Variants in ANKRD10 observed in about 807,000 individuals in gnomAD.
ANKRD10 encodes the protein ankyrin repeat domain-containing protein 10.
In ANKRD10, 14 loss-of-function variants were observed where a neutral mutation model predicts 27.0. The ratio of observed to expected loss-of-function variants is 0.52; its 90% confidence interval spans 0.34 to 0.81. The LOEUF is 0.81. Among genes scored for constraint, ANKRD10 ranks in the 40% least tolerant of loss-of-function variants. The pLI, the probability that ANKRD10 is intolerant of heterozygous loss-of-function variation, is 0.01. For synonymous variants in ANKRD10, 250 were observed against 224.5 expected (o/e 1.11, Z -1.01); for missense variants, 493 against 544.0 (o/e 0.91, Z 0.93).
intron 1 of ANKRD10, among the ~76,000 whole-genome samples, chr13:110,914,176 G>A (rs1221823205): frequency 1.3e-5 from 2 of 152,142 alleles, no homozygotes; most frequent in Admixed American, 6.5e-5. Context: ...CTTGCTCCTC[G>A]GCTGAGCTCG....
In ANKRD10 at chr13:110,892,416, C is replaced by CAAAAAAAAAAAA. The variant is rs71127979; in HGVS notation, c.691+600_691+611dup. ...TTGCACTCCAGCCTGGGTGACAGAG[C>CAAAAAAAAAAAA]AAAAAAAAAAAAAAAAAAAATGGTG... is the stretch of plus-strand genomic sequence containing the variant. On this transcript the variant is annotated intron_variant, in intron 4 of 5. Coordinates refer to ENST00000267339, the MANE Select transcript of ANKRD10 (RefSeq NM_017664.4). 1.2e-3 allele frequency among the ~76,000 whole-genome samples: 24 copies of CAAAAAAAAAAAA among 19,550 alleles called. 7 individuals carry two copies. In the East Asian group the frequency reaches 0.012, roughly 10 times the overall value. 12.8% of individuals were successfully genotyped at this position (19,550 alleles called of 152,430 possible).
rs770469386 is a variant in ANKRD10, at chr13:110,879,646, G to T, written c.1254C>A (p.His418Gln). ...SAVLGTMHLHHGS is the reference protein window; with the variant it reads ...SAVLGTMHLHQGS ...AGCCAGGTCAGCGTCTCTAGGAGCC[G>T]TGGTGCAGGTGCATGGTGCCCAGCA... The change falls in exon 6 of 6, where the codon CAC becomes CAA. Residue 418 changes from histidine to glutamine, a missense_variant. Coordinates refer to ENST00000267339, the MANE Select transcript of ANKRD10 (RefSeq NM_017664.4). The T allele has an allele frequency of 1.9e-6, 3 of 1,609,902 alleles. No individual in the cohort carries two copies. The African/African-American group carries it at 4.0e-5, about 22-fold the overall frequency.
At chr13:110,910,820 A>G in intron 1 of ANKRD10, 50 bp from the exon 2 acceptor site, 3 of 1,537,146 alleles carry the variant, frequency 2.0e-6, no homozygotes, top group Non-Finnish European at 2.6e-6. Flanking sequence ...TCAGTACACT[A>G]TTCAATATTA....
In ANKRD10 at chr13:110,878,546, TGA is replaced by T. The variant is rs1228594324; in HGVS notation, c.*1089_*1090del. 4 of 152,208 alleles carry T rather than the reference TGA, an allele frequency of 2.6e-5. No homozygotes were observed. The highest frequency in any genetic ancestry group is 5.9e-5 in the Non-Finnish European group (4 of 68,034). 9.4% of individuals were successfully genotyped at this position (152,208 alleles called of 1,614,324 possible). ...AGAAACCCCAGGGACACACTGAGTG[TGA>T]GAGTTTTTTATTCAATTTGTGAAGG... is the stretch of plus-strand genomic sequence containing the variant. On this transcript the variant is annotated 3_prime_UTR_variant, in exon 6 of 6. Coordinates refer to ENST00000267339, the MANE Select transcript of ANKRD10 (RefSeq NM_017664.4).
rs758829775 is a variant in ANKRD10 at position 110,914,806 on chromosome 13, C to T, written c.129G>A (p.Gln43=). Residue 43 remains glutamine, a synonymous_variant, in exon 1 of 6, where the codon CAG becomes CAA. Transcript: ENST00000267339. The stretch of plus-strand genomic sequence containing the variant: ...AGGCCAGGTGGGCGTGGGGTGTCTG[C>T]TGCAGCAGCGAGCAGAGCGTGGCCA... The part of the protein sequence containing the change: ...GDLATLCSLL[Q]QTPHAHLASE... The T allele has an allele frequency of 6.3e-7, 1 of 1,593,610 alleles. No homozygotes were observed. Among genetic ancestry groups the T allele is most frequent in the Non-Finnish European group, 8.5e-7 (1 of 1,170,786 alleles).
intron 3 of ANKRD10, chr13:110,893,962 C>A: frequency 1.7e-6 from 1 of 581,276 alleles, no homozygotes; most frequent in Non-Finnish European, 3.0e-6. Context: ...CCCTACCACT[C>A]ACAAGAACCA....
intron 3 of ANKRD10, among the ~76,000 whole-genome samples, chr13:110,904,788 G>A (rs1435442201): frequency 2.0e-5 from 3 of 152,196 alleles, no homozygotes; most frequent in Admixed American, 6.5e-5. Context: ...TCCCTGCAAT[G>A]TAACAGTAAA....
chr13:110,900,647 C>T (rs1286631925), intron 3 of ANKRD10: 1 of 1,351,768 alleles, frequency 7.4e-7, no homozygotes, highest in Non-Finnish European at 9.8e-7. Context: ...GGAATGCTCC[C>T]CCTTTCTAGG....
intron 1 of ANKRD10, among the ~76,000 whole-genome samples, chr13:110,914,321 C>G (rs1429057947): frequency 2.6e-5 from 4 of 152,212 alleles, no homozygotes; most frequent in Non-Finnish European, 4.4e-5. Context: ...GGCCTAATAC[C>G]CGGCTCTGCG....
At chr13:110,913,371 ATTACTT>A (rs1325919119) in intron 1 of ANKRD10, among the ~76,000 whole-genome samples, 1 of 152,162 alleles carries the variant, frequency 6.6e-6, no homozygotes, top group East Asian at 1.9e-4. Context: ...AGGAGGCTTT[ATTACTT>A]TTGTTTGTTA....
chr13:110,879,488 T>C lies in ANKRD10; in HGVS notation c.*149A>G. ...TACTCATGCACAAACAAGCAGTTGC[T>C]GGGAACTTGTCGAAGTTTACTTTTT... On this transcript the variant is annotated 3_prime_UTR_variant, in exon 6 of 6. Transcript: ENST00000267339. The C allele has an allele frequency of 1.5e-6, 1 of 648,704 alleles. No homozygotes were observed. Among genetic ancestry groups the C allele is most frequent in the East Asian group, 2.7e-5 (1 of 36,562 alleles). The allele number at this position is 648,704 out of a possible 1,614,324, so 40.2% of individuals were successfully genotyped here.
At chr13:110,883,093 G>A (rs954823118) in intron 5 of ANKRD10, 1 of 152,140 alleles carries the variant, frequency 6.6e-6, no homozygotes, top group Non-Finnish European at 1.5e-5. Context: ...AATGTGTGTT[G>A]TGAAACACAG....
At chr13:110,911,616 C>T (rs985150828) in intron 1 of ANKRD10, 2 of 151,904 alleles carry the variant, frequency 1.3e-5, no homozygotes, top group African/African-American at 2.4e-5. Flanking sequence ...TTCAAAAATA[C>T]AAAATTACAA....
In ANKRD10 at chr13:110,879,557, G is replaced by T; in HGVS notation, c.*80C>A. The T allele has an allele frequency of 2.8e-6, 3 of 1,086,358 alleles. No individual in the cohort carries two copies. The highest frequency in any genetic ancestry group is 4.0e-6 in the Non-Finnish European group (3 of 744,706). 67.3% of individuals were successfully genotyped at this position (1,086,358 alleles called of 1,614,324 possible). A position where few individuals can be genotyped will look rare whatever the true frequency, so the allele number is the denominator to read the frequency against. On this transcript the variant is annotated 3_prime_UTR_variant, in exon 6 of 6. Coordinates refer to ENST00000267339, the MANE Select transcript of ANKRD10 (RefSeq NM_017664.4). ...AAAAAACGTACAAGTTGTGACATTCGTTCAAGTTGCTGCTACATGGGTATT... is the reference window on the plus strand; with the variant it reads ...AAAAAACGTACAAGTTGTGACATTCTTTCAAGTTGCTGCTACATGGGTATT...
intron 3 of ANKRD10, among the ~76,000 whole-genome samples, chr13:110,896,029 C>G (rs1360823796): frequency 6.6e-6 from 1 of 152,188 alleles, no homozygotes; most frequent in Non-Finnish European, 1.5e-5. Context: ...ATGCTATGTA[C>G]TCGTACGTAA....
At position 110,879,146 on chromosome 13, in the gene ANKRD10, T is replaced by A. The variant is rs575634300; in HGVS notation, c.*491A>T. On this transcript the variant is annotated 3_prime_UTR_variant, in exon 6 of 6. Coordinates refer to ENST00000267339, the MANE Select transcript of ANKRD10 (RefSeq NM_017664.4). ...TTGAAAAAGACAAACGTTCTCTTCT[T>A]CACACAAATCACTGCAGAAATCTTT... is the stretch of plus-strand genomic sequence containing the variant. 6.1e-6 allele frequency: 1 copy of A among 163,720 alleles called. No individual in the cohort carries two copies. Among genetic ancestry groups the A allele is most frequent in the South Asian group, 1.6e-4 (1 of 6,320 alleles). 10.1% of individuals were successfully genotyped at this position (163,720 alleles called of 1,614,324 possible). A position where few individuals can be genotyped will look rare whatever the true frequency, so the allele number is the denominator to read the frequency against.
chr13:110,885,259 G>A (rs7332021), intron 4 of ANKRD10, among the ~76,000 whole-genome samples: 50,062 of 148,598 alleles, frequency 0.34, 8,946 homozygotes, highest in South Asian at 0.43. Context: ...AAAAGAGAGA[G>A]AAAAAAAAAA....
At chr13:110,914,042 TA>T (rs1292255434) in intron 1 of ANKRD10, among the ~76,000 whole-genome samples, 2 of 152,206 alleles carry the variant, frequency 1.3e-5, no homozygotes, top group Non-Finnish European at 2.9e-5. Flanking sequence ...AGATCCAAGA[TA>T]AACACAGCCG....
chr13:110,914,645 T>A lies in ANKRD10; in HGVS notation c.210+80A>T, dbSNP rs1295898735. On this transcript the variant is annotated intron_variant, in intron 1 of 5. Transcript: ENST00000267339. ...CCCCGCGATCCCGGCACGCCCCACG[T>A]CCCCCGCACCTCAGACCCGCTTTCC... 2.0e-6 allele frequency: 3 copies of A among 1,465,550 alleles called. No homozygotes were observed. In the African/African-American group the frequency reaches 4.3e-5, roughly 21 times the overall value. The allele number at this position is 1,465,550 out of a possible 1,614,324, so 90.8% of individuals were successfully genotyped here.
Sources: gnomAD v4.1 joint callset for allele counts (sites outside exome capture counted in the v4.1 genomes callset) on GRCh38, gnomAD v4.1.1 for gene constraint, MANE v1.5 for transcripts, NCBI Gene and HGNC (gene_info 2026-07-23, HGNC 2026-07-21) for gene names.